The following GRK5 variants were observed in gnomAD, a reference collection of about 807,000 sequenced individuals.
GRK5 encodes the protein G protein-coupled receptor kinase 5.
Under a neutral mutation model 78.4 loss-of-function variants are expected in GRK5, and 40 were observed. The ratio of observed to expected loss-of-function variants is 0.51; its 90% confidence interval spans 0.40 to 0.66. GRK5 has a LOEUF of 0.66. GRK5 is among the 30% of genes least tolerant of loss of function. The pLI, the probability that GRK5 is intolerant of heterozygous loss-of-function variation, is 0.00. For missense variants in GRK5, 598 were observed against 759.9 expected (o/e 0.79, Z 2.50); for synonymous variants, 289 against 296.8 (o/e 0.97, Z 0.27).
In GRK5 at chr10:119,425,268, T is replaced by TACACACAAACAC. The variant is rs1554920936; in HGVS notation, c.533+190_533+191insAACACACACACA. On this transcript the variant is annotated intron_variant, in intron 6 of 15. Coordinates refer to ENST00000392870, the MANE Select transcript of GRK5 (RefSeq NM_005308.3). ...GTATGCTTATTCAAGCACACACACA[T>TACACACAAACAC]ACACACACACACACACACACACACA... Among the ~76,000 whole-genome samples the TACACACAAACAC allele has an allele frequency of 2.4e-5, 3 of 126,622 alleles. No homozygotes were observed. The Admixed American group carries it at 2.6e-4, about 11-fold the overall frequency. 83.1% of individuals were successfully genotyped at this position (126,622 alleles called of 152,430 possible). A position where few individuals can be genotyped will look rare whatever the true frequency, so the allele number is the denominator to read the frequency against.
At chr10:119,332,707 G>A (rs1028018317) in intron 2 of GRK5, among the ~76,000 whole-genome samples, 10 of 152,036 alleles carry the variant, frequency 6.6e-5, no homozygotes, top group African/African-American at 2.4e-4. Context: ...CCTTCATCTT[G>A]GATCCTTCCC....
intron 1 of GRK5, among the ~76,000 whole-genome samples, chr10:119,288,774 C>T (rs1311309954): frequency 1.3e-5 from 2 of 152,240 alleles, no homozygotes; most frequent in Non-Finnish European, 2.9e-5. Flanking sequence ...GTTCCTCACC[C>T]ACCCGGCCTC....
intron 1 of GRK5, among the ~76,000 whole-genome samples, chr10:119,303,847 G>A (rs1850227906): frequency 6.6e-6 from 1 of 151,982 alleles, no homozygotes; most frequent in Admixed American, 6.6e-5. Context: ...AGGTGGGGGA[G>A]GGAAAGTGAA....
At chr10:119,345,258 G>A (rs139900954) in intron 2 of GRK5, among the ~76,000 whole-genome samples, 336 of 152,240 alleles carry the variant, frequency 2.2e-3, no homozygotes, top group African/African-American at 7.5e-3. Context: ...GTGAGCCACC[G>A]CGCCCGGCCA....
chr10:119,405,178 G>A (rs892899503), intron 4 of GRK5, among the ~76,000 whole-genome samples: 1 of 152,102 alleles, frequency 6.6e-6, no homozygotes, highest in Admixed American at 6.5e-5. Context: ...GGCCTGCGTG[G>A]GTTCTTCCCG....
chr10:119,411,153 C>T (rs1398745379), intron 4 of GRK5, among the ~76,000 whole-genome samples: 1 of 152,134 alleles, frequency 6.6e-6, no homozygotes, highest in Non-Finnish European at 1.5e-5. Flanking sequence ...CTTGAAGTCT[C>T]TTCCTGGCCT....
chr10:119,291,288 T>C (rs11198864), intron 1 of GRK5, among the ~76,000 whole-genome samples: 128,359 of 151,812 alleles, frequency 0.85, 54,363 homozygotes, highest in East Asian at 0.99. Context: ...CGGCAGGAGA[T>C]GCAGTGAAGC....
At chr10:119,322,411 A>C (rs1850601079) in intron 1 of GRK5, among the ~76,000 whole-genome samples, 1 of 152,128 alleles carries the variant, frequency 6.6e-6, no homozygotes, top group South Asian at 2.1e-4. Flanking sequence ...ACATTGCCAA[A>C]TGTTCCCTGG....
chr10:119,369,632 A>G (rs924454963), intron 2 of GRK5, among the ~76,000 whole-genome samples: 1 of 152,204 alleles, frequency 6.6e-6, no homozygotes, highest in Non-Finnish European at 1.5e-5. Context: ...CAGGTCACGC[A>G]TGGGTGTGTT....
intron 3 of GRK5, among the ~76,000 whole-genome samples, chr10:119,388,161 C>T (rs1851831185): frequency 6.6e-6 from 1 of 151,920 alleles, no homozygotes; most frequent in Non-Finnish European, 1.5e-5. Flanking sequence ...CTCTGTATTG[C>T]CTAGGCTGGT....
chr10:119,397,795 G>A lies in GRK5; in HGVS notation c.339+1023G>A, dbSNP rs1000393354. Among the ~76,000 whole-genome samples, 9 of 152,338 alleles carry A rather than the reference G, an allele frequency of 5.9e-5. No individual in the cohort carries two copies. In the South Asian group the frequency reaches 1.5e-3, roughly 25 times the overall value. On this transcript the variant is annotated intron_variant, in intron 4 of 15. Transcript: ENST00000392870. ...AGTGGCCATTGCCCTTGCAGGGTGAGACCAGCCTCACGCCCAGAAGTGTTG... is the reference window on the plus strand; with the variant it reads ...AGTGGCCATTGCCCTTGCAGGGTGAAACCAGCCTCACGCCCAGAAGTGTTG...
intron 1 of GRK5, among the ~76,000 whole-genome samples, chr10:119,323,436 C>T (rs1035096682): frequency 6.6e-6 from 1 of 152,248 alleles, no homozygotes; most frequent in Non-Finnish European, 1.5e-5. Flanking sequence ...CCAGGCCTTG[C>T]AGCTGCTGGG....
At chr10:119,422,479 C>T (rs975982977) in intron 4 of GRK5, among the ~76,000 whole-genome samples, 1 of 152,178 alleles carries the variant, frequency 6.6e-6, no homozygotes, top group Non-Finnish European at 1.5e-5. Context: ...TGAGGCTGAG[C>T]AGTTAAGACC....
At position 119,443,608 on chromosome 10, in the gene GRK5, C is replaced by T. The variant is rs780278732; in HGVS notation, c.1122C>T (p.Leu374=). 4 of 1,613,680 alleles carry T rather than the reference C, an allele frequency of 2.5e-6. No individual in the cohort carries two copies. Among genetic ancestry groups the T allele is most frequent in the Non-Finnish European group, 3.4e-6 (4 of 1,179,796 alleles). The part of the protein sequence containing the change: ...LSPDYWGLGC[L]IYEMIEGQSP... ...CCGACTACTGGGGCCTTGGCTGCCT[C>T]ATCTATGAGATGATCGAGGGCCAGT... is the stretch of plus-strand genomic sequence containing the variant. The change falls in exon 12 of 16, where the codon CTC becomes CTT. Residue 374 remains leucine, a synonymous_variant. Transcript: ENST00000392870.
chr10:119,455,224 T>C lies in GRK5; in HGVS notation c.*157T>C. ...TCCCGTCGACGTAGAACCTCGAGGT[T>C]TCTCAAAGAAATTTCCACTCAGGTC... On this transcript the variant is annotated 3_prime_UTR_variant, in exon 16 of 16. Coordinates refer to ENST00000392870, the MANE Select transcript of GRK5 (RefSeq NM_005308.3). 1 of 719,372 alleles carries C rather than the reference T, an allele frequency of 1.4e-6. No individual in the cohort carries two copies. The highest frequency in any genetic ancestry group is 2.5e-6 in the Non-Finnish European group (1 of 399,926). The allele number at this position is 719,372 out of a possible 1,614,324, so 44.6% of individuals were successfully genotyped here.
chr10:119,340,376 C>T (rs1850963952), intron 2 of GRK5, among the ~76,000 whole-genome samples: 1 of 152,212 alleles, frequency 6.6e-6, no homozygotes, highest in Admixed American at 6.5e-5. Flanking sequence ...ATCTGCCCAC[C>T]TCAGCCTCCC....
intron 1 of GRK5, among the ~76,000 whole-genome samples, chr10:119,262,127 T>C (rs919194494): frequency 6.6e-6 from 1 of 152,170 alleles, no homozygotes; most frequent in Admixed American, 6.5e-5. Context: ...GATGTACGTG[T>C]GTGAGTTACT....
intron 8 of GRK5, among the ~76,000 whole-genome samples, chr10:119,433,528 C>G (rs1852862759): frequency 6.6e-6 from 1 of 152,190 alleles, no homozygotes; most frequent in African/African-American, 2.4e-5. Context: ...CGGTGATCAC[C>G]TGGGCAGATG....
intron 6 of GRK5, among the ~76,000 whole-genome samples, chr10:119,429,270 A>C (rs1306822003): frequency 2.0e-5 from 3 of 152,046 alleles, no homozygotes; most frequent in Non-Finnish European, 4.4e-5. Context: ...GTGGTGCCAC[A>C]GATGTGATTT....
Sources: allele counts gnomAD v4.1 joint callset (sites outside exome capture counted in the v4.1 genomes callset), GRCh38; gene constraint gnomAD v4.1.1; transcripts MANE v1.5; gene names NCBI Gene and HGNC (gene_info 2026-07-23, HGNC 2026-07-21).